Variants in JMJD1C observed in about 807,000 individuals in gnomAD.
JMJD1C encodes jumonji domain-containing protein 1C.
JMJD1C carries 31 observed loss-of-function variants against 245.3 expected under a neutral mutation model. The ratio of observed to expected loss-of-function variants is 0.13; its 90% CI spans 0.09 to 0.17. The LOEUF (loss-of-function observed/expected upper bound fraction) is 0.17, where lower values mean the gene tolerates loss of function less well. Among genes scored for constraint, JMJD1C ranks in the 10% least tolerant of loss-of-function variants. The probability of loss-of-function intolerance (pLI) is 1.00; values close to 1 mark genes in which losing one functional copy is unlikely to be tolerated. For synonymous variants in JMJD1C, 1,057 were observed against 1,017.4 expected, an observed-to-expected ratio of 1.04 and a Z score of -0.74; for missense variants, 2,691 against 3,000.2, an observed-to-expected ratio of 0.90 and a Z score of 2.41.
intron 3 of JMJD1C, among the ~76,000 whole-genome samples, chr10:63,227,741 A>G (rs147342466): frequency 1.3e-5 from 2 of 152,334 alleles, no homozygotes; most frequent in African/African-American, 4.8e-5. Flanking sequence ...ATTATTTTGT[A>G]TCCTGAACAT....
At position 63,183,577 on chromosome 10, in the gene JMJD1C, TA is replaced by T; in HGVS notation, c.6962-9del. Reference sequence around the variant, plus strand: ...CTTTAGCAGCAACTACACCTGTATATAAAACAAAATTTTACTTGACAAAATA... The same window carrying T: ...CTTTAGCAGCAACTACACCTGTATATAAACAAAATTTTACTTGACAAAATA... On this transcript the variant is annotated splice_polypyrimidine_tract_variant and intron_variant, in intron 21 of 25. Transcript: ENST00000399262. 6.6e-7 allele frequency: 1 copy of T among 1,509,168 alleles called. No homozygotes were observed. The highest frequency in any genetic ancestry group is 8.9e-7 in the Non-Finnish European group (1 of 1,120,976). 93.5% of individuals were successfully genotyped at this position (1,509,168 alleles called of 1,614,324 possible). A position where few individuals can be genotyped will look rare whatever the true frequency, so the allele number is the denominator to read the frequency against.
At chr10:63,261,585 A>G (rs1854764776) in intron 3 of JMJD1C, among the ~76,000 whole-genome samples, 1 of 152,150 alleles carries the variant, frequency 6.6e-6, no homozygotes, top group Non-Finnish European at 1.5e-5. Flanking sequence ...AAGAAGAAGA[A>G]AAAAAGCTGA....
At chr10:63,308,070 G>A (rs750387144) in intron 2 of JMJD1C, among the ~76,000 whole-genome samples, 1 of 151,974 alleles carries the variant, frequency 6.6e-6, no homozygotes, top group Non-Finnish European at 1.5e-5. Context: ...AGAATCATTT[G>A]AACCCAGTAG....
chr10:63,168,291 A>G (rs1842030787), intron 25 of JMJD1C, 144 bp downstream of exon 25: 2 of 989,384 alleles, frequency 2.0e-6, no homozygotes, highest in Admixed American at 2.4e-5. Flanking sequence ...TATAAATCAT[A>G]CAATTAAATA....
At chr10:63,483,599 A>T (rs1033450735) in intron 1 of JMJD1C, among the ~76,000 whole-genome samples, 1 of 152,222 alleles carries the variant, frequency 6.6e-6, no homozygotes, top group Non-Finnish European at 1.5e-5. Context: ...CATTATAATA[A>T]CAACCAACTT....
chr10:63,394,670 C>A (rs1948337051), intron 1 of JMJD1C, among the ~76,000 whole-genome samples: 1 of 151,962 alleles, frequency 6.6e-6, no homozygotes. Context: ...CATGGAGAAA[C>A]CCTGTGTCTA....
Position 63,462,423 on chromosome 10 carries a change from G to T in JMJD1C, c.168+3072C>A, listed in dbSNP as rs150029542. ...TACAAGAAATATGTTTGCTACCACG[G>T]TGTGGTAAAAAATAATTTAATCCCA... On this transcript the variant is annotated intron_variant, in intron 1 of 25. Transcript: ENST00000399262. Among the ~76,000 whole-genome samples, 1,049 of 152,192 alleles carry T rather than the reference G, an allele frequency of 6.9e-3. 6 individuals are homozygous for T. Among genetic ancestry groups the T allele is most frequent in the South Asian group, 0.014 (69 of 4,822 alleles).
At chr10:63,380,107 T>A in intron 2 of JMJD1C, 1 of 98,144 alleles carries the variant, frequency 1.0e-5, no homozygotes, top group Non-Finnish European at 2.2e-5. Flanking sequence ...ATCCAGCTAT[T>A]TTTTTTTTTT....
intron 1 of JMJD1C, among the ~76,000 whole-genome samples, chr10:63,421,092 T>C (rs1051266253): frequency 6.6e-6 from 1 of 152,004 alleles, no homozygotes; most frequent in Non-Finnish European, 1.5e-5. Flanking sequence ...CCCAACACAA[T>C]GGGAGGCCAA....
At chr10:63,294,184 T>C (rs1456042035) in intron 2 of JMJD1C, among the ~76,000 whole-genome samples, 1 of 152,230 alleles carries the variant, frequency 6.6e-6, no homozygotes, top group East Asian at 1.9e-4. Flanking sequence ...ATTTTCGTAA[T>C]TATGCGTATC....
chr10:63,455,602 A>C (rs1952359414), intron 1 of JMJD1C, among the ~76,000 whole-genome samples: 2 of 152,080 alleles, frequency 1.3e-5, no homozygotes, highest in African/African-American at 4.8e-5. Context: ...TACCAGATTC[A>C]GATTTTTTTT....
At chr10:63,247,733 A>AAC (rs201684197) in intron 3 of JMJD1C, among the ~76,000 whole-genome samples, 2 of 151,482 alleles carry the variant, frequency 1.3e-5, no homozygotes, top group Non-Finnish European at 2.9e-5. Context: ...AAAAAAAAAA[A>AAC]AAAAAGAAAC....
Position 63,191,000 on chromosome 10 carries a change from T to C in JMJD1C, c.6185A>G (p.Gln2062Arg). Residue 2062 changes from glutamine (Q) to arginine (R), a missense_variant, in exon 17 of 26, where the codon CAA becomes CGA. Transcript: ENST00000399262. ...CAGCAAATCCCGTAAGGTTGAGCCT[T>C]GTTCATTATTCTGGGACACAAGAGG... ...TSPLVSQNNE[Q>R]GSTLRDLLTT... The C allele has an allele frequency of 6.2e-7, 1 of 1,614,218 alleles. No homozygotes were observed. Among genetic ancestry groups the C allele is most frequent in the African/African-American group, 1.3e-5 (1 of 75,072 alleles).
At chr10:63,411,801 A>C (rs1458914437) in intron 1 of JMJD1C, among the ~76,000 whole-genome samples, 1 of 146,732 alleles carries the variant, frequency 6.8e-6, no homozygotes, top group Admixed American at 6.8e-5. Flanking sequence ...ACAGGGTTTC[A>C]CCATGTTAGC....
intron 1 of JMJD1C, among the ~76,000 whole-genome samples, chr10:63,442,349 G>A (rs140165660): frequency 1.3e-4 from 20 of 152,166 alleles, no homozygotes; most frequent in East Asian, 7.7e-4. Flanking sequence ...TATATGACAC[G>A]CACACACAAA....
At chr10:63,407,800 C>A (rs1949256379) in intron 1 of JMJD1C, among the ~76,000 whole-genome samples, 2 of 142,076 alleles carry the variant, frequency 1.4e-5, no homozygotes, top group Non-Finnish European at 1.5e-5. Context: ...TATCAAAATA[C>A]AACAATCTGG....
At chr10:63,234,493 T>TAAAAAAAAAAAAAAAAAAAAAAAA (rs71025129) in intron 3 of JMJD1C, among the ~76,000 whole-genome samples, 10 of 37,024 alleles carry the variant, frequency 2.7e-4, no homozygotes, top group Admixed American at 4.0e-4. Flanking sequence ...AACCTCCTCT[T>TAAAAAAAAAAAAAAAAAAAAAAAA]AAAAAAAAAA....
At chr10:63,374,942 T>C (rs1946605548) in intron 2 of JMJD1C, among the ~76,000 whole-genome samples, 2 of 152,184 alleles carry the variant, frequency 1.3e-5, no homozygotes, top group Admixed American at 6.6e-5. Context: ...GTTTTCTAAG[T>C]ATAAGATTAT....
At chr10:63,309,687 G>A (rs903131497) in intron 2 of JMJD1C, among the ~76,000 whole-genome samples, 3 of 151,850 alleles carry the variant, frequency 2.0e-5, no homozygotes, top group Non-Finnish European at 4.4e-5. Flanking sequence ...GGGAGGCCAA[G>A]GCGAGCGGAT....
Sources: allele counts gnomAD v4.1 joint callset (sites outside exome capture counted in the v4.1 genomes callset), GRCh38; gene constraint gnomAD v4.1.1; transcripts MANE v1.5; gene names NCBI Gene and HGNC (gene_info 2026-07-23, HGNC 2026-07-21).